The following PPARG variants were observed in gnomAD, a reference collection of about 807,000 sequenced individuals.
PPARG encodes peroxisome proliferator activated receptor gamma, also known as peroxisome proliferator-activated receptor gamma.
Under a neutral mutation model 39.2 loss-of-function variants are expected in PPARG, and 17 were observed. The ratio of observed to expected loss-of-function variants is 0.43; its 90% CI spans 0.30 to 0.65. The LOEUF (loss-of-function observed/expected upper bound fraction) is 0.65, where lower values mean the gene tolerates loss of function less well. Ranked by LOEUF, PPARG falls within the 30% of genes least tolerant of loss-of-function variation. The pLI is 0.13. For synonymous variants in PPARG, 223 were observed against 215.7 expected (o/e 1.03, Z -0.30); for missense variants, 406 against 585.9 (o/e 0.69, Z 3.17).
chr3:12,310,978 G>T (rs2047225977), intron 1 of PPARG, among the ~76,000 whole-genome samples: 1 of 152,060 alleles, frequency 6.6e-6, no homozygotes, highest in Non-Finnish European at 1.5e-5. Flanking sequence ...CTGGTCAGCA[G>T]TCACAGCCAG....
At chr3:12,369,914 C>T (rs2049149210) in intron 2 of PPARG, among the ~76,000 whole-genome samples, 1 of 152,188 alleles carries the variant, frequency 6.6e-6, no homozygotes, top group African/African-American at 2.4e-5. Flanking sequence ...ATCGGGCATT[C>T]TGGTTTCTCA....
intron 1 of PPARG, among the ~76,000 whole-genome samples, chr3:12,311,801 G>T (rs980133973): frequency 6.6e-6 from 1 of 152,130 alleles, no homozygotes; most frequent in Non-Finnish European, 1.5e-5. Flanking sequence ...CTGCTCTCTG[G>T]TTCGTCCTCT....
intron 6 of PPARG, among the ~76,000 whole-genome samples, chr3:12,415,230 A>G (rs1047840797): frequency 2.6e-4 from 39 of 152,128 alleles, no homozygotes; most frequent in African/African-American, 9.2e-4. Flanking sequence ...CCCCACACAC[A>G]TCCTGCTTCT....
intron 5 of PPARG, among the ~76,000 whole-genome samples, chr3:12,397,178 TA>T (rs980436951): frequency 6.6e-6 from 1 of 151,360 alleles, no homozygotes; most frequent in Non-Finnish European, 1.5e-5. Context: ...TGTAATTTTT[TA>T]AAAAAAACTG....
At chr3:12,376,656 G>T (rs2049423137) in intron 2 of PPARG, among the ~76,000 whole-genome samples, 1 of 152,120 alleles carries the variant, frequency 6.6e-6, no homozygotes, top group African/African-American at 2.4e-5. Flanking sequence ...TAATATTTCA[G>T]ATTATGCAGA....
intron 2 of PPARG, 132 bp downstream of exon 2, chr3:12,312,585 T>C (rs1559489500): frequency 6.6e-6 from 1 of 152,236 alleles, no homozygotes; most frequent in East Asian, 1.9e-4. Context: ...TACTTTCTGC[T>C]ATATAATTTT....
At chr3:12,419,080 G>A (rs2051172880) in intron 7 of PPARG, among the ~76,000 whole-genome samples, 1 of 152,100 alleles carries the variant, frequency 6.6e-6, no homozygotes, top group African/African-American at 2.4e-5. Flanking sequence ...GAGTAGCTGG[G>A]ATTACAGGCA....
intron 4 of PPARG, among the ~76,000 whole-genome samples, chr3:12,391,579 G>A (rs2050078152): frequency 6.6e-6 from 1 of 152,162 alleles, no homozygotes; most frequent in African/African-American, 2.4e-5. Context: ...CTGCTGAGAT[G>A]GAGAAAGCCG....
At chr3:12,377,377 A>G (rs2049453236) in intron 2 of PPARG, among the ~76,000 whole-genome samples, 1 of 152,152 alleles carries the variant, frequency 6.6e-6, no homozygotes, top group African/African-American at 2.4e-5. Flanking sequence ...GTGTGATCAA[A>G]TGTTTCCACA....
intron 7 of PPARG, among the ~76,000 whole-genome samples, chr3:12,421,886 G>A (rs2051275927): frequency 6.6e-6 from 1 of 152,150 alleles, no homozygotes; most frequent in African/African-American, 2.4e-5. Context: ...AGCCACTTTG[G>A]ATGGCTATTC....
rs1382187854 is a variant in PPARG at position 12,390,636 on chromosome 3, C to CTTTTT, written c.391-1978_391-1977insTTTTT. Among the ~76,000 whole-genome samples, 7 of 69,182 alleles carry CTTTTT rather than the reference C, an allele frequency of 1.0e-4. 1 individual carries two copies. Among genetic ancestry groups the CTTTTT allele is most frequent in the East Asian group, 7.2e-4 (2 of 2,786 alleles). 45.4% of individuals were successfully genotyped at this position (69,182 alleles called of 152,430 possible). ...GTATGTGATAAAGCTGTATTTTCTTCCTTTTTTTTTTTTTTTTTTTTTGAG... is the reference window on the plus strand; with the variant it reads ...GTATGTGATAAAGCTGTATTTTCTTCTTTTTCTTTTTTTTTTTTTTTTTTTTTGAG... On this transcript the variant is annotated intron_variant, in intron 4 of 7. Transcript: ENST00000651735.
intron 2 of PPARG, among the ~76,000 whole-genome samples, chr3:12,326,261 A>G (rs2047691309): frequency 6.6e-6 from 1 of 152,238 alleles, no homozygotes; most frequent in African/African-American, 2.4e-5. Flanking sequence ...TATAGTTAGA[A>G]TTATTCTGCC....
intron 1 of PPARG, among the ~76,000 whole-genome samples, chr3:12,290,874 G>A (rs1433169399): frequency 6.6e-6 from 1 of 152,154 alleles, no homozygotes; most frequent in Non-Finnish European, 1.5e-5. Context: ...CTTTCATGAA[G>A]TAGGAAAATA....
At chr3:12,394,845 A>G (rs561505101) in intron 5 of PPARG, among the ~76,000 whole-genome samples, 4 of 152,366 alleles carry the variant, frequency 2.6e-5, no homozygotes, top group African/African-American at 9.6e-5. Flanking sequence ...TGTGAAGCCA[A>G]CAGGGTTTTC....
chr3:12,341,001 G>A (rs1168931490), intron 2 of PPARG, among the ~76,000 whole-genome samples: 2 of 152,042 alleles, frequency 1.3e-5, no homozygotes, highest in Non-Finnish European at 2.9e-5. Context: ...TGGCCAATAT[G>A]GTGAAACCTA....
chr3:12,363,345 A>G (rs140751966), intron 2 of PPARG, among the ~76,000 whole-genome samples: 1 of 152,356 alleles, frequency 6.6e-6, no homozygotes, highest in East Asian at 1.9e-4. Flanking sequence ...AAAATCTTCA[A>G]ATCAGCTCAT....
At chr3:12,328,161 G>C in intron 2 of PPARG, 1 of 1,291,772 alleles carries the variant, frequency 7.7e-7, no homozygotes, top group Non-Finnish European at 1.1e-6. Flanking sequence ...TAGAGAAGCA[G>C]CAAATAGCGA....
At chr3:12,323,285 A>G (rs1272177671) in intron 2 of PPARG, among the ~76,000 whole-genome samples, 1 of 152,222 alleles carries the variant, frequency 6.6e-6, no homozygotes, top group Non-Finnish European at 1.5e-5. Context: ...GATTTGATGA[A>G]GATGTGAAGT....
chr3:12,300,330 C>T (rs925282576), intron 1 of PPARG, among the ~76,000 whole-genome samples: 8 of 152,186 alleles, frequency 5.3e-5, no homozygotes, highest in African/African-American at 1.9e-4. Flanking sequence ...CAGATTACCA[C>T]AGCTCAATAA....
Sources: allele counts gnomAD v4.1 joint callset (sites outside exome capture counted in the v4.1 genomes callset), GRCh38; gene constraint gnomAD v4.1.1; transcripts MANE v1.5; gene names NCBI Gene and HGNC (gene_info 2026-07-23, HGNC 2026-07-21).